The following TTC6 variants were observed in gnomAD, a reference collection of about 807,000 sequenced individuals.
TTC6 encodes the protein tetratricopeptide repeat domain 6, also known as tetratricopeptide repeat protein 6.
A neutral mutation model predicts 210.4 loss-of-function variants in TTC6; 172 were observed. The ratio of observed to expected loss-of-function variants is 0.82; its 90% CI spans 0.72 to 0.93. The LOEUF (loss-of-function observed/expected upper bound fraction) is 0.93, where lower values mean the gene tolerates loss of function less well. TTC6 is among the 40% of genes least tolerant of loss of function. The pLI is 0.00. For synonymous variants in TTC6, 804 were observed against 819.6 expected, an observed-to-expected ratio of 0.98 and a Z score of 0.32; for missense variants, 2,414 against 2,318.1, an observed-to-expected ratio of 1.04 and a Z score of -0.85.
chr14:37,651,423 ATATTTTTTTTTTTTTTT>A (rs1463757753), intron 1 of TTC6, among the ~76,000 whole-genome samples: 9 of 20,028 alleles, frequency 4.5e-4, no homozygotes, highest in African/African-American at 2.1e-3. Context: ...ATATATATAT[ATATTTTTTTTTTTTTTT>A]TTTTTTTTTT....
intron 24 of TTC6, among the ~76,000 whole-genome samples, chr14:37,811,187 C>G (rs1366818599): frequency 1.3e-5 from 2 of 152,156 alleles, no homozygotes; most frequent in African/African-American, 4.8e-5. Context: ...ATTGCAGATT[C>G]AGCTGCTTAG....
chr14:37,691,592 A>G (rs1233854568), intron 3 of TTC6, among the ~76,000 whole-genome samples: 1 of 152,158 alleles, frequency 6.6e-6, no homozygotes, highest in Non-Finnish European at 1.5e-5. Context: ...ATCAAAAAAG[A>G]GGAAAAACTT....
At chr14:37,806,170 T>C (rs575429655) in intron 21 of TTC6, among the ~76,000 whole-genome samples, 191 bp from the exon 24 acceptor site, 1 of 152,356 alleles carries the variant, frequency 6.6e-6, no homozygotes, top group South Asian at 2.1e-4. Context: ...TTAATTATAA[T>C]AATCAACCCT....
At position 37,634,115 on chromosome 14, in the gene TTC6, A is replaced by T. The variant is rs185740756; in HGVS notation, c.939+11112A>T. ...TCTCAATTTGAAAGAAAAAAAAGACAATTAATAGATGCCAAAGTCAAGATG... is the reference window on the plus strand; with the variant it reads ...TCTCAATTTGAAAGAAAAAAAAGACTATTAATAGATGCCAAAGTCAAGATG... On this transcript the variant is annotated intron_variant, in intron 1 of 30. Transcript: ENST00000553443. 3.9e-5 allele frequency among the ~76,000 whole-genome samples: 6 copies of T among 152,344 alleles called. No homozygotes were observed. The East Asian group carries it at 9.6e-4, about 24-fold the overall frequency.
chr14:37,706,245 C>T (rs942556999), intron 5 of TTC6, among the ~76,000 whole-genome samples: 3 of 152,120 alleles, frequency 2.0e-5, no homozygotes, highest in African/African-American at 7.2e-5. Flanking sequence ...CTTGTCTTCT[C>T]AGTTGTGTTT....
At chr14:37,608,898 G>T (rs1324274036) in intron 2 of TTC6, among the ~76,000 whole-genome samples, 1 of 152,016 alleles carries the variant, frequency 6.6e-6, no homozygotes, top group East Asian at 1.9e-4. Flanking sequence ...GGTGGGTGGT[G>T]GTTGGAAAGT....
At chr14:37,665,138 C>T (rs1269576279) in intron 1 of TTC6, among the ~76,000 whole-genome samples, 1 of 150,296 alleles carries the variant, frequency 6.7e-6, no homozygotes, top group African/African-American at 2.4e-5. Context: ...CCCAGCAATC[C>T]CATTACGGGG....
intron 15 of TTC6, among the ~76,000 whole-genome samples, chr14:37,789,314 T>C (rs1566955880): frequency 7.6e-6 from 1 of 131,288 alleles, no homozygotes; most frequent in Non-Finnish European, 1.6e-5. Flanking sequence ...TTAAATAATA[T>C]TTTTTTTCCT....
At chr14:37,599,538 C>T (rs573872353) in intron 1 of TTC6, among the ~76,000 whole-genome samples, 1 of 152,306 alleles carries the variant, frequency 6.6e-6, no homozygotes, top group South Asian at 2.1e-4. Context: ...TCCCCTACTC[C>T]TGCCTGAGCG....
At chr14:37,770,269 T>G (rs942130739) in intron 14 of TTC6, among the ~76,000 whole-genome samples, 6 of 152,148 alleles carry the variant, frequency 3.9e-5, no homozygotes, top group African/African-American at 1.4e-4. Flanking sequence ...CTGAAAAAAA[T>G]GTATATTCTG....
At chr14:37,686,431 C>T (rs1181673493) in intron 3 of TTC6, among the ~76,000 whole-genome samples, 1 of 152,174 alleles carries the variant, frequency 6.6e-6, no homozygotes, top group African/African-American at 2.4e-5. Context: ...GGATTTGTAA[C>T]TACTTATGCA....
At chr14:37,725,346 A>ATG (rs1258867876) in intron 7 of TTC6, among the ~76,000 whole-genome samples, 1 of 120,402 alleles carries the variant, frequency 8.3e-6, no homozygotes, top group African/African-American at 3.2e-5. Context: ...ATATATATAT[A>ATG]TATATATATA....
chr14:37,713,028 G>A (rs1471223800), intron 5 of TTC6, among the ~76,000 whole-genome samples: 17 of 152,116 alleles, frequency 1.1e-4, no homozygotes, highest in Admixed American at 4.6e-4. Flanking sequence ...ACAGGAAGGC[G>A]GCAAATCTGG....
At chr14:37,829,953 A>T (rs562807704) in intron 29 of TTC6, among the ~76,000 whole-genome samples, 3 of 152,066 alleles carry the variant, frequency 2.0e-5, no homozygotes, top group Admixed American at 1.3e-4. Context: ...AAATATATTC[A>T]GTTCTCATCA....
intron 1 of TTC6, among the ~76,000 whole-genome samples, chr14:37,626,524 CCTG>C (rs1467357242): frequency 6.6e-6 from 1 of 152,036 alleles, no homozygotes; most frequent in Non-Finnish European, 1.5e-5. Context: ...CTCTATTCTT[CCTG>C]CTAAGTAAAA....
At chr14:37,681,608 C>T (rs956210526) in intron 2 of TTC6, among the ~76,000 whole-genome samples, 11 of 152,028 alleles carry the variant, frequency 7.2e-5, no homozygotes, top group African/African-American at 2.4e-4. Flanking sequence ...GACTTGGTAC[C>T]GGGTCATGGA....
intron 3 of TTC6, among the ~76,000 whole-genome samples, chr14:37,696,307 A>G (rs561805042): frequency 6.6e-6 from 1 of 152,250 alleles, no homozygotes; most frequent in South Asian, 2.1e-4. Context: ...GCATAAGTTT[A>G]TTCTGATAAA....
At chr14:37,646,111 A>G (rs1433158397) in intron 1 of TTC6, among the ~76,000 whole-genome samples, 2 of 152,210 alleles carry the variant, frequency 1.3e-5, no homozygotes, top group Non-Finnish European at 2.9e-5. Context: ...AAATGAAATA[A>G]CAGTGCAATT....
chr14:37,748,906 G>A, intron 10 of TTC6, 33 bp from the exon 13 acceptor site: 1 of 1,410,540 alleles, frequency 7.1e-7, no homozygotes, highest in Non-Finnish European at 9.3e-7. Flanking sequence ...TTGTATTTCT[G>A]TAATTTAAAA....
Sources: gnomAD v4.1 joint callset for allele counts (sites outside exome capture counted in the v4.1 genomes callset) on GRCh38, gnomAD v4.1.1 for gene constraint, MANE v1.5 for transcripts, NCBI Gene and HGNC (gene_info 2026-07-23, HGNC 2026-07-21) for gene names.